The following ST3GAL4 variants were observed in gnomAD, a reference collection of about 807,000 sequenced individuals.
ST3GAL4 encodes ST3 beta-galactoside alpha-2,3-sialyltransferase 4.
ST3GAL4 carries 24 observed loss-of-function variants against 42.6 expected under a neutral mutation model. The observed-to-expected ratio is 0.56, with a 90% CI of 0.41 to 0.79. The LOEUF (loss-of-function observed/expected upper bound fraction) is 0.79. Ranked by LOEUF, ST3GAL4 falls within the 30% of genes least tolerant of loss-of-function variation. The probability of loss-of-function intolerance (pLI) is 0.00; values close to 1 mark genes in which losing one functional copy is unlikely to be tolerated. For synonymous variants in ST3GAL4, 135 were observed against 163.2 expected (o/e 0.83, Z 1.32); for missense variants, 311 against 430.8 (o/e 0.72, Z 2.46).
intron 1 of ST3GAL4, among the ~76,000 whole-genome samples, chr11:126,388,679 T>TTTTTC (rs1239186575): frequency 8.2e-6 from 1 of 122,642 alleles, no homozygotes; most frequent in Non-Finnish European, 1.7e-5. Flanking sequence ...TTTTTTTTTT[T>TTTTTC]TTCTGATTTA....
chr11:126,380,225 G>A (rs985987254), intron 1 of ST3GAL4, among the ~76,000 whole-genome samples: 3 of 150,020 alleles, frequency 2.0e-5, no homozygotes, highest in African/African-American at 7.4e-5. Flanking sequence ...TTGTGCCACC[G>A]CACTCCAGCC....
At chr11:126,394,672 T>C (rs1449773608) in intron 1 of ST3GAL4, among the ~76,000 whole-genome samples, 19 of 152,066 alleles carry the variant, frequency 1.2e-4, no homozygotes, top group African/African-American at 3.1e-4. Flanking sequence ...CAATCTGCCC[T>C]CCTCGGCCTC....
chr11:126,399,885 G>A (rs970532865), intron 1 of ST3GAL4, among the ~76,000 whole-genome samples: 5 of 152,000 alleles, frequency 3.3e-5, no homozygotes, highest in African/African-American at 1.2e-4. Flanking sequence ...CATCAGAATG[G>A]CCTTCACGAT....
Position 126,376,102 on chromosome 11 carries a change from T to C in ST3GAL4, c.-61+20260T>C, listed in dbSNP as rs1165714790. On this transcript the variant is annotated intron_variant, in intron 1 of 10. Transcript: ENST00000444328. This position sits in a 1 kb window ranked among gnomAD's most constrained non-coding sequence, Gnocchi z 5.1. ...AGAGTTCATAGCCTCACAGGCAAGA[T>C]AGGAAAACACAGAATTATATAATAC... Among the ~76,000 whole-genome samples the C allele has an allele frequency of 3.3e-5, 5 of 152,136 alleles. No individual in the cohort carries two copies. Among genetic ancestry groups the C allele is most frequent in the African/African-American group, 4.8e-5 (2 of 41,424 alleles).
Position 126,406,562 on chromosome 11 carries a change from G to C in ST3GAL4, c.101+5G>C, listed in dbSNP as rs752594136. On this transcript the variant is annotated splice_donor_5th_base_variant and intron_variant, in intron 3 of 10. Transcript: ENST00000444328. The surrounding 1 kb of genome is among the most constrained non-coding windows in gnomAD (Gnocchi z 5.4). ...GGAAGACAGGTACATCGAGCTGTGA[G>C]TTCACCTTCCATGTCCTTCCAGTGG... The C allele has an allele frequency of 2.0e-5, 33 of 1,614,068 alleles. No homozygotes were observed. The highest frequency in any genetic ancestry group is 2.7e-5 in the Non-Finnish European group (32 of 1,180,034).
Position 126,378,499 on chromosome 11 carries a change from C to T in ST3GAL4, c.-61+22657C>T, listed in dbSNP as rs1952896699. Among the ~76,000 whole-genome samples, 1 of 152,174 alleles carries T rather than the reference C, an allele frequency of 6.6e-6. No homozygotes were observed. The highest frequency in any genetic ancestry group is 2.4e-5 in the African/African-American group (1 of 41,430). On this transcript the variant is annotated intron_variant, in intron 1 of 10. Transcript: ENST00000444328. The surrounding 1 kb of genome is among the most constrained non-coding windows in gnomAD (Gnocchi z 5.3). The stretch of plus-strand genomic sequence containing the variant: ...TCTTGGCTCACTGCAACCTCTGCTT[C>T]CCGGGTTCATGCGATTCTCCTGCCT...
intron 1 of ST3GAL4, among the ~76,000 whole-genome samples, chr11:126,402,541 C>T (rs929700156): frequency 6.6e-6 from 1 of 152,072 alleles, no homozygotes; most frequent in Non-Finnish European, 1.5e-5. Context: ...AAGTAAACCG[C>T]GAGCTTCTGC....
intron 1 of ST3GAL4, among the ~76,000 whole-genome samples, chr11:126,377,248 G>C (rs1194721323): frequency 3.3e-5 from 5 of 151,422 alleles, no homozygotes; most frequent in Non-Finnish European, 5.9e-5. Flanking sequence ...TCAGCTCACT[G>C]TAAACTCCAC....
intron 1 of ST3GAL4, among the ~76,000 whole-genome samples, chr11:126,399,078 G>A (rs1259678666): frequency 6.6e-6 from 1 of 152,028 alleles, no homozygotes; most frequent in African/African-American, 2.4e-5. Flanking sequence ...CATTCTTATT[G>A]TACTAATCTC....
At position 126,392,759 on chromosome 11, in the gene ST3GAL4, G is replaced by A. The variant is rs1037800598; in HGVS notation, c.-60-13337G>A. ...GTACTTGGGACAGTGTGGTTTAACT[G>A]CCACAAAGTTAATAAAGCAGCATGA... On this transcript the variant is annotated intron_variant, in intron 1 of 10. Transcript: ENST00000444328. The surrounding 1 kb of genome is among the most constrained non-coding windows in gnomAD (Gnocchi z 5.8). 4.6e-5 allele frequency among the ~76,000 whole-genome samples: 7 copies of A among 152,156 alleles called. No homozygotes were observed. Among genetic ancestry groups the A allele is most frequent in the East Asian group, 1.9e-4 (1 of 5,190 alleles).
At position 126,363,490 on chromosome 11, in the gene ST3GAL4, T is replaced by A. The variant is rs187734661; in HGVS notation, c.-61+7648T>A. On this transcript the variant is annotated intron_variant, in intron 1 of 10. Coordinates refer to ENST00000444328, the MANE Select transcript of ST3GAL4 (RefSeq NM_001254757.2). This position sits in a 1 kb window ranked among gnomAD's most constrained non-coding sequence, Gnocchi z 4.6. The stretch of plus-strand genomic sequence containing the variant: ...GGAGCCCATGGGAGCAGGAGTCAGC[T>A]CCTCCTGTTGGCAGCTCCAGCATTT... Among the ~76,000 whole-genome samples the A allele has an allele frequency of 7.2e-3, 1,089 of 152,282 alleles. 8 individuals are homozygous for A. Among genetic ancestry groups the A allele is most frequent in the Middle Eastern group, 0.017 (5 of 294 alleles).
chr11:126,383,154 G>GAC lies in ST3GAL4; in HGVS notation c.-60-22937_-60-22936dup, dbSNP rs1228800161. ...TGGGACACTCTCCAGGCCTGCTGGG[G>GAC]ACACACCTGTGGGGCTCATAGGCGT... is the stretch of plus-strand genomic sequence containing the variant. On this transcript the variant is annotated intron_variant, in intron 1 of 10. Transcript: ENST00000444328. The surrounding 1 kb of genome is among the most constrained non-coding windows in gnomAD (Gnocchi z 4.5). Among the ~76,000 whole-genome samples, 2 of 152,206 alleles carry GAC rather than the reference G, an allele frequency of 1.3e-5. No individual in the cohort carries two copies. The highest frequency in any genetic ancestry group is 2.9e-5 in the Non-Finnish European group (2 of 68,022).
At position 126,393,862 on chromosome 11, in the gene ST3GAL4, T is replaced by C. The variant is rs1248113225; in HGVS notation, c.-60-12234T>C. Among the ~76,000 whole-genome samples, 1 of 152,272 alleles carries C rather than the reference T, an allele frequency of 6.6e-6. No individual in the cohort carries two copies. On this transcript the variant is annotated intron_variant, in intron 1 of 10. Coordinates refer to ENST00000444328, the MANE Select transcript of ST3GAL4 (RefSeq NM_001254757.2). The surrounding 1 kb of genome is among the most constrained non-coding windows in gnomAD (Gnocchi z 5.9). Reference sequence around the variant, plus strand: ...TAAAAATAGGTGAAATTCGTTTTAATATTTTAACCCAATATAGCCAAAATC... The same window carrying C: ...TAAAAATAGGTGAAATTCGTTTTAACATTTTAACCCAATATAGCCAAAATC...
At position 126,396,438 on chromosome 11, in the gene ST3GAL4, C is replaced by T. The variant is rs1953764580; in HGVS notation, c.-60-9658C>T. Among the ~76,000 whole-genome samples, 1 of 152,016 alleles carries T rather than the reference C, an allele frequency of 6.6e-6. No individual in the cohort carries two copies. The highest frequency in any genetic ancestry group is 1.5e-5 in the Non-Finnish European group (1 of 68,034). On this transcript the variant is annotated intron_variant, in intron 1 of 10. Coordinates refer to ENST00000444328, the MANE Select transcript of ST3GAL4 (RefSeq NM_001254757.2). This position sits in a 1 kb window ranked among gnomAD's most constrained non-coding sequence, Gnocchi z 5.8. ...GTCGGATTCATGGAAGTCTGGTGTC[C>T]AGCTGGCAGGCATTAGTGGTCCCAT...
At chr11:126,407,785 G>C in intron 6 of ST3GAL4, 151 bp downstream of exon 6, 1 of 913,548 alleles carries the variant, frequency 1.1e-6, no homozygotes, top group Non-Finnish European at 1.7e-6. Flanking sequence ...CTGGGCATCT[G>C]GGTGCAGAGT....
In ST3GAL4 at chr11:126,391,937, G is replaced by GTGTGTC; in HGVS notation, c.-60-14154_-60-14153insCTGTGT. On this transcript the variant is annotated intron_variant, in intron 1 of 10. Coordinates refer to ENST00000444328, the MANE Select transcript of ST3GAL4 (RefSeq NM_001254757.2). The surrounding 1 kb of genome is among the most constrained non-coding windows in gnomAD (Gnocchi z 5.5). ...TCAGAACACCTGTGATAACTTGGTC[G>GTGTGTC]TGTGTGTGTGTGTGTGTGTGTGTGT... Among the ~76,000 whole-genome samples the GTGTGTC allele has an allele frequency of 9.7e-6, 1 of 102,862 alleles. No homozygotes were observed. The highest frequency in any genetic ancestry group is 2.1e-5 in the Non-Finnish European group (1 of 48,252). 67.5% of individuals were successfully genotyped at this position (102,862 alleles called of 152,430 possible).
intron 5 of ST3GAL4, 46 bp downstream of exon 5, chr11:126,407,395 A>G (rs1489335605): frequency 6.3e-7 from 1 of 1,597,606 alleles, no homozygotes; most frequent in African/African-American, 1.3e-5. Context: ...CACCCTGACC[A>G]CGTTGCTTCC....
rs1952930165 is a variant in ST3GAL4 at position 126,379,690 on chromosome 11, C to T, written c.-61+23848C>T. 6.6e-6 allele frequency among the ~76,000 whole-genome samples: 1 copy of T among 151,956 alleles called. No individual in the cohort carries two copies. Among genetic ancestry groups the T allele is most frequent in the Non-Finnish European group, 1.5e-5 (1 of 67,998 alleles). ...ATGGGGTTTCACCACGTTGGCCAGG[C>T]TGGTCTCAAACTCCTGACCTTAGGC... On this transcript the variant is annotated intron_variant, in intron 1 of 10. Transcript: ENST00000444328. The surrounding 1 kb of genome is among the most constrained non-coding windows in gnomAD (Gnocchi z 4.2).
At chr11:126,403,140 C>T (rs955983027) in intron 1 of ST3GAL4, 2 of 154,614 alleles carry the variant, frequency 1.3e-5, no homozygotes, top group African/African-American at 4.8e-5. Context: ...GCAATCCTCA[C>T]CCTCAGCCCC....
Sources: allele counts gnomAD v4.1 joint callset (sites outside exome capture counted in the v4.1 genomes callset), GRCh38; gene constraint gnomAD v4.1.1; non-coding constraint Gnocchi (gnomAD v3.1); transcripts MANE v1.5; gene names NCBI Gene and HGNC (gene_info 2026-07-23, HGNC 2026-07-21).